The following GRAMD4 variants were observed in gnomAD, a reference collection of about 807,000 sequenced individuals.
GRAMD4 encodes GRAM domain containing 4, also known as GRAM domain-containing protein 4.
A neutral mutation model predicts 83.9 loss-of-function variants in GRAMD4; 25 were observed. The ratio of observed to expected loss-of-function variants is 0.30; its 90% CI spans 0.22 to 0.42. GRAMD4 has a LOEUF of 0.42. Ranked by LOEUF, GRAMD4 falls within the 10% of genes least tolerant of loss-of-function variation. The pLI, the probability that GRAMD4 is intolerant of heterozygous loss-of-function variation, is 1.00. For synonymous variants in GRAMD4, 336 were observed against 320.9 expected (o/e 1.05, Z -0.50); for missense variants, 593 against 788.7 (o/e 0.75, Z 2.97).
rs761857811 is a variant in GRAMD4, at chr22:46,677,227, G to C, written c.1713G>C (p.Ala571=). Residue 571 remains alanine, a synonymous_variant, in exon 19 of 19, where the codon GCG becomes GCC. Transcript: ENST00000406902. ...GCCAGTACATCAAGATCACCTCAGC[G>C]GCAGCGTCTGGCGGGGACAGCTAGT... ...ILSQYIKITS[A]AASGGDS 1 of 1,613,474 alleles carries C rather than the reference G, an allele frequency of 6.2e-7. No individual in the cohort carries two copies. The highest frequency in any genetic ancestry group is 1.3e-5 in the African/African-American group (1 of 74,928).
intron 5 of GRAMD4, among the ~76,000 whole-genome samples, 180 bp downstream of exon 5, chr22:46,661,622 C>T (rs2082329416): frequency 6.6e-6 from 1 of 152,260 alleles, no homozygotes; most frequent in Non-Finnish European, 1.5e-5. Context: ...CTCCTCCCGT[C>T]AGAACTGGGT....
Position 46,661,447 on chromosome 22 carries a change from A to G in GRAMD4, c.466+5A>G, listed in dbSNP as rs762445597. ...CCCAGGCCAGCAATGGAGCAGGTAC[A>G]CCCTGGTGGGCGGGTGGACAGGCAG... On this transcript the variant is annotated splice_donor_5th_base_variant and intron_variant, in intron 5 of 18. Transcript: ENST00000406902. 6.3e-7 allele frequency: 1 copy of G among 1,582,448 alleles called. No individual in the cohort carries two copies. Among genetic ancestry groups the G allele is most frequent in the Non-Finnish European group, 8.6e-7 (1 of 1,156,076 alleles).
chr22:46,581,149 G>GT (rs1433738333), intron 1 of GRAMD4, among the ~76,000 whole-genome samples: 1 of 152,144 alleles, frequency 6.6e-6, no homozygotes, highest in East Asian at 1.9e-4. Context: ...ATTGTTTGGT[G>GT]TTTGAGTTAT....
chr22:46,648,022 C>T (rs2082095999), intron 3 of GRAMD4, among the ~76,000 whole-genome samples: 1 of 152,254 alleles, frequency 6.6e-6, no homozygotes, highest in African/African-American at 2.4e-5. Flanking sequence ...GGGCCCAGAG[C>T]CTGGCAGCTA....
chr22:46,637,917 C>T lies in GRAMD4; in HGVS notation c.240C>T (p.Ile80=). 8 of 1,614,006 alleles carry T rather than the reference C, an allele frequency of 5.0e-6. No homozygotes were observed. The highest frequency in any genetic ancestry group is 6.8e-6 in the Non-Finnish European group (8 of 1,179,870). ...NRTEFDRLNE[I]KGHLEIALLE... The stretch of plus-strand genomic sequence containing the variant: ...CAGAGTTTGATCGACTGAATGAGAT[C>T]AAAGGTCACCTGGAAATTGCCTTAT... The change falls in exon 3 of 19, where the codon ATC becomes ATT. Residue 80 remains isoleucine, a synonymous_variant. Transcript: ENST00000406902.
At chr22:46,582,796 C>T (rs536903377) in intron 1 of GRAMD4, among the ~76,000 whole-genome samples, 4 of 152,206 alleles carry the variant, frequency 2.6e-5, no homozygotes, top group Admixed American at 6.5e-5. Context: ...GCACAGTTCA[C>T]GGACTTCTAG....
rs1385785622 is a variant in GRAMD4, at chr22:46,659,243, C to T, written c.404+936C>T. Among the ~76,000 whole-genome samples, 5 of 126,480 alleles carry T rather than the reference C, an allele frequency of 4.0e-5. No homozygotes were observed. Among genetic ancestry groups the T allele is most frequent in the African/African-American group, 1.4e-4 (4 of 28,796 alleles). 83.0% of individuals were successfully genotyped at this position (126,480 alleles called of 152,430 possible). On this transcript the variant is annotated intron_variant, in intron 4 of 18. Coordinates refer to ENST00000406902, the MANE Select transcript of GRAMD4 (RefSeq NM_015124.5). The surrounding 1 kb of genome is among the most constrained non-coding windows in gnomAD (Gnocchi z 4.1). ...TCCCTCTCAGCCTCCACTCCCTCAG[C>T]CTCCCCCCTCAGTCTCCACCCTCAG...
At position 46,630,099 on chromosome 22, in the gene GRAMD4, A is replaced by G. The variant is rs945242127; in HGVS notation, c.162+3138A>G. 5.7e-4 allele frequency among the ~76,000 whole-genome samples: 86 copies of G among 150,158 alleles called. 1 individual carries two copies. The highest frequency in any genetic ancestry group is 8.6e-4 in the Non-Finnish European group (58 of 67,558). ...GAGTGCAGTGGTGTGATCTCGGCTC[A>G]CTGCAACCTCCACCTCCCAGGTTCA... On this transcript the variant is annotated intron_variant, in intron 2 of 18. Transcript: ENST00000406902.
chr22:46,603,121 C>A lies in GRAMD4; in HGVS notation c.-49-23630C>A, dbSNP rs73461265. On this transcript the variant is annotated intron_variant, in intron 1 of 1. Transcript: ENST00000431155. ...TGGTGTGTGTTGAAATTTTTTTTCC[C>A]GGGTTATCATTTATCTCTGACTGCT... Among the ~76,000 whole-genome samples the A allele has an allele frequency of 1.3e-5, 2 of 150,920 alleles. 1 individual carries two copies. The highest frequency in any genetic ancestry group is 4.9e-5 in the African/African-American group (2 of 40,988).
At position 46,663,055 on chromosome 22, in the gene GRAMD4, G is replaced by T; in HGVS notation, c.482G>T (p.Gly161Val). Residue 161 changes from glycine (G) to valine (V), a missense_variant, in exon 6 of 19, where the codon GGG becomes GTG. Coordinates refer to ENST00000406902, the MANE Select transcript of GRAMD4 (RefSeq NM_015124.5). ...ASNGAERRSQ[G>V]LSSRLQKWFY... is the part of the protein sequence containing the mutation. ...CCCCCTGCAGAGCGCCGGAGCCAGGGGCTGTCCTCGCGCCTGCAGAAGTGG... is the reference window on the plus strand; with the variant it reads ...CCCCCTGCAGAGCGCCGGAGCCAGGTGCTGTCCTCGCGCCTGCAGAAGTGG... 2 of 1,611,162 alleles carry T rather than the reference G, an allele frequency of 1.2e-6. No individual in the cohort carries two copies. Among genetic ancestry groups the T allele is most frequent in the Non-Finnish European group, 1.7e-6 (2 of 1,178,900 alleles).
At chr22:46,581,863 C>T (rs1237119975) in intron 1 of GRAMD4, among the ~76,000 whole-genome samples, 6 of 152,182 alleles carry the variant, frequency 3.9e-5, no homozygotes, top group Admixed American at 3.9e-4. Flanking sequence ...GGCAAGACAC[C>T]TAACCTCTCT....
At chr22:46,680,588 A>G (rs1422005425), downstream of GRAMD4, among the ~76,000 whole-genome samples, 9 of 138,122 alleles carry the variant, frequency 6.5e-5, 1 homozygote, top group African/African-American at 1.6e-4. Flanking sequence ...CCATCCATCC[A>G]TCCATCCACC....
intron 1 of GRAMD4, among the ~76,000 whole-genome samples, chr22:46,613,320 G>A (rs948304821): frequency 2.0e-5 from 3 of 152,230 alleles, no homozygotes; most frequent in African/African-American, 7.2e-5. Context: ...GCATGCCTGT[G>A]CTTGAGATGA....
At chr22:46,665,082 C>T (rs1473785919) in intron 8 of GRAMD4, among the ~76,000 whole-genome samples, 1 of 152,240 alleles carries the variant, frequency 6.6e-6, no homozygotes, top group Non-Finnish European at 1.5e-5. Flanking sequence ...TGGGCTCCCA[C>T]ACGCTCCTGT....
At chr22:46,632,907 T>C (rs2147194264) in intron 2 of GRAMD4, among the ~76,000 whole-genome samples, 1 of 152,342 alleles carries the variant, frequency 6.6e-6, no homozygotes, top group East Asian at 1.9e-4. Flanking sequence ...TTTCCGCCTC[T>C]GCACTGGGCA....
chr22:46,638,021 G>GGTGA, intron 3 of GRAMD4, 61 bp downstream of exon 3: 1 of 1,567,102 alleles, frequency 6.4e-7, no homozygotes, highest in Non-Finnish European at 8.7e-7. Context: ...GGCTGAGATG[G>GGTGA]GGGATGTCGT....
At chr22:46,615,562 TGC>T (rs1441872875), upstream of GRAMD4, among the ~76,000 whole-genome samples, 73 of 135,498 alleles carry the variant, frequency 5.4e-4, no homozygotes, top group African/African-American at 1.7e-3. Flanking sequence ...GGTTCCCCTG[TGC>T]GTGTAGGTTC....
chr22:46,619,041 C>T (rs551488171), upstream of GRAMD4, among the ~76,000 whole-genome samples: 3 of 152,316 alleles, frequency 2.0e-5, no homozygotes, highest in East Asian at 1.9e-4. Flanking sequence ...CATTTGAGGC[C>T]GCCTGACTGT....
chr22:46,663,308 C>T lies in GRAMD4; in HGVS notation c.599+136C>T, dbSNP rs749937785. 174 of 851,704 alleles carry T rather than the reference C, an allele frequency of 2.0e-4. 4 individuals are homozygous for T. The Middle Eastern group carries it at 3.2e-3, about 16-fold the overall frequency. 52.8% of individuals were successfully genotyped at this position (851,704 alleles called of 1,614,324 possible). A position where few individuals can be genotyped will look rare whatever the true frequency, so the allele number is the denominator to read the frequency against. ...GGCTGCCGAGAGCTCCTGGAGGCTC[C>T]GCTGTGTCTGGTCTTCTGGGGGCCG... On this transcript the variant is annotated intron_variant, in intron 6 of 18. Coordinates refer to ENST00000406902, the MANE Select transcript of GRAMD4 (RefSeq NM_015124.5).
Sources: allele counts gnomAD v4.1 joint callset (sites outside exome capture counted in the v4.1 genomes callset), GRCh38; gene constraint gnomAD v4.1.1; non-coding constraint Gnocchi (gnomAD v3.1); transcripts MANE v1.5; gene names NCBI Gene and HGNC (gene_info 2026-07-23, HGNC 2026-07-21).